The following TET1 variants were observed in gnomAD, a reference collection of about 807,000 sequenced individuals.
The protein encoded by TET1 is methylcytosine dioxygenase TET1.
A neutral mutation model predicts 148.7 loss-of-function variants in TET1; 13 were observed. That is an observed-to-expected ratio of 0.09 (90% confidence interval 0.06 to 0.14). The LOEUF is 0.14. Ranked by LOEUF, TET1 falls within the 10% of genes least tolerant of loss-of-function variation. The probability of loss-of-function intolerance (pLI) is 1.00; values close to 1 mark genes in which losing one functional copy is unlikely to be tolerated. For missense variants in TET1, 2,182 were observed against 2,553.8 expected (o/e 0.85, Z 3.14); for synonymous variants, 907 against 937.2 (o/e 0.97, Z 0.59).
At chr10:68,630,334 C>T (rs2054551146) in intron 3 of TET1, among the ~76,000 whole-genome samples, 1 of 152,144 alleles carries the variant, frequency 6.6e-6, no homozygotes, top group African/African-American at 2.4e-5. Flanking sequence ...TGTTTTGACA[C>T]GGAGTGTCGC....
chr10:68,683,027 C>G, intron 10 of TET1, 54 bp downstream of exon 10: 1 of 1,590,142 alleles, frequency 6.3e-7, no homozygotes, highest in South Asian at 1.1e-5. Flanking sequence ...TATGCTTAGG[C>G]TGCAGTCCTT....
At position 68,646,150 on chromosome 10, in the gene TET1, A is replaced by C. The variant is rs578122005; in HGVS notation, c.3421A>C (p.Lys1141Gln). 6.2e-7 allele frequency: 1 copy of C among 1,613,136 alleles called. No individual in the cohort carries two copies. The highest frequency in any genetic ancestry group is 1.3e-5 in the African/African-American group (1 of 74,866). ...CAATAATCATGGTTCATCATTAACA[A>C]AACAAAAGAACCCAACCCAGAAAAA... ...VHNNHGSSLT[K>Q]QKNPTQKKTK... Residue 1141 changes from lysine to glutamine, a missense_variant, in exon 4 of 12, where the codon AAA (lysine) becomes CAA (glutamine). Lys to Gln is a moderately conservative substitution (Grantham distance 53). This residue lies in a region of TET1 where 582 missense variants were observed against 599.5 expected (regional missense o/e 0.97). Transcript: ENST00000373644.
chr10:68,632,756 T>C, intron 3 of TET1: 1 of 1,575,622 alleles, frequency 6.3e-7, no homozygotes, highest in South Asian at 1.2e-5. Context: ...AAGAAGTCAA[T>C]GTAAACGAAG....
At chr10:68,633,948 ACTCTCAG>A (rs1222487150) in intron 3 of TET1, among the ~76,000 whole-genome samples, 1 of 152,048 alleles carries the variant, frequency 6.6e-6, no homozygotes, top group Non-Finnish European at 1.5e-5. Context: ...AAACAGTCTC[ACTCTCAG>A]CTCACTGCAG....
chr10:68,596,148 C>T (rs1245568035), intron 2 of TET1, among the ~76,000 whole-genome samples: 1 of 150,010 alleles, frequency 6.7e-6, no homozygotes, highest in East Asian at 2.0e-4. Flanking sequence ...AAGCGATTCT[C>T]CTGCCTCAGG....
At chr10:68,563,507 A>G (rs1159871752) in intron 1 of TET1, among the ~76,000 whole-genome samples, 1 of 152,242 alleles carries the variant, frequency 6.6e-6, no homozygotes, top group Non-Finnish European at 1.5e-5. Context: ...TGCAAATACC[A>G]CGTTTTTGGC....
chr10:68,569,637 G>T (rs117050629), intron 1 of TET1, among the ~76,000 whole-genome samples: 24 of 152,158 alleles, frequency 1.6e-4, no homozygotes, highest in Admixed American at 1.4e-3. Flanking sequence ...ATATATAATG[G>T]CTAGGCATGC....
intron 7 of TET1, among the ~76,000 whole-genome samples, chr10:68,670,882 A>C (rs984794495): frequency 1.3e-5 from 2 of 152,038 alleles, no homozygotes; most frequent in African/African-American, 4.8e-5. Flanking sequence ...TATTATTTTC[A>C]CTTTTTCAAA....
intron 1 of TET1, among the ~76,000 whole-genome samples, chr10:68,562,062 G>A (rs1361304699): frequency 1.9e-4 from 29 of 152,234 alleles, no homozygotes; most frequent in Non-Finnish European, 1.5e-5. Context: ...AGAAATGTTT[G>A]AAAAGTGCTG....
chr10:68,610,650 T>C (rs1333822548), intron 3 of TET1, among the ~76,000 whole-genome samples: 2 of 152,080 alleles, frequency 1.3e-5, no homozygotes, highest in East Asian at 1.9e-4. Flanking sequence ...CTTGGCATAC[T>C]GTGGTTTTTT....
chr10:68,594,676 C>A (rs1320716584), intron 2 of TET1, among the ~76,000 whole-genome samples: 1 of 152,072 alleles, frequency 6.6e-6, no homozygotes, highest in Non-Finnish European at 1.5e-5. Flanking sequence ...ACCAAACTAG[C>A]TTTTTTAAAT....
intron 8 of TET1, among the ~76,000 whole-genome samples, chr10:68,676,430 C>G (rs1407781406): frequency 6.6e-6 from 1 of 151,048 alleles, no homozygotes; most frequent in African/African-American, 2.4e-5. Flanking sequence ...ACTACAAGCG[C>G]CCACCACCAC....
intron 2 of TET1, among the ~76,000 whole-genome samples, chr10:68,594,485 C>T (rs921291437): frequency 6.6e-6 from 1 of 152,122 alleles, no homozygotes; most frequent in Non-Finnish European, 1.5e-5. Context: ...GTAGATCTGG[C>T]CCCTTGGGAG....
intron 4 of TET1, among the ~76,000 whole-genome samples, chr10:68,649,194 C>T (rs2054894400): frequency 6.6e-6 from 1 of 152,180 alleles, no homozygotes; most frequent in Non-Finnish European, 1.5e-5. Context: ...GAAACTGAGG[C>T]ACAGAGAATT....
chr10:68,683,514 G>A (rs113925298), intron 10 of TET1, among the ~76,000 whole-genome samples: 6 of 152,114 alleles, frequency 3.9e-5, no homozygotes, highest in African/African-American at 1.4e-4. Flanking sequence ...TCATGACCTC[G>A]TGATCCACCC....
chr10:68,596,025 C>CATAT lies in TET1; in HGVS notation c.1915-4955_1915-4954insTATA, dbSNP rs1270482577. 1.1e-3 allele frequency among the ~76,000 whole-genome samples: 60 copies of CATAT among 56,014 alleles called. 1 individual carries two copies. The highest frequency in any genetic ancestry group is 3.5e-3 in the South Asian group (6 of 1,736). The allele number at this position is 56,014 out of a possible 152,430, so 36.7% of individuals were successfully genotyped here. The stretch of plus-strand genomic sequence containing the variant: ...ACACACACACACACACACACACACA[C>CATAT]ACATATATATATATATATACACATT... On this transcript the variant is annotated intron_variant, in intron 2 of 11. Coordinates refer to ENST00000373644, the MANE Select transcript of TET1 (RefSeq NM_030625.3).
In TET1 at chr10:68,570,637, A is replaced by T. The variant is rs575282991; in HGVS notation, c.-122-1580A>T. On this transcript the variant is annotated intron_variant, in intron 1 of 11. Transcript: ENST00000373644. ...AGTTCCATGATTTTAATTATTTTTA[A>T]TTTTTTTTTTGAGACAGAGTCTTGC... 2.7e-5 allele frequency among the ~76,000 whole-genome samples: 4 copies of T among 148,466 alleles called. No individual in the cohort carries two copies. In the South Asian group the frequency reaches 6.4e-4, roughly 24 times the overall value.
chr10:68,653,277 T>C (rs1347745543), intron 6 of TET1, among the ~76,000 whole-genome samples: 1 of 152,220 alleles, frequency 6.6e-6, no homozygotes, highest in Non-Finnish European at 1.5e-5. Context: ...CATTTAATTG[T>C]ACATCTCTTC....
At chr10:68,597,767 A>T (rs2054005150) in intron 2 of TET1, among the ~76,000 whole-genome samples, 2 of 152,252 alleles carry the variant, frequency 1.3e-5, no homozygotes, top group African/African-American at 4.8e-5. Context: ...CAGCCTTCAA[A>T]ATGAATGAAA....
Sources: gnomAD v4.1 joint callset for allele counts (sites outside exome capture counted in the v4.1 genomes callset) on GRCh38, gnomAD v4.1.1 for gene constraint, gnomAD v4.1.1 regional missense constraint, MANE v1.5 for transcripts, NCBI Gene and HGNC (gene_info 2026-07-23, HGNC 2026-07-21) for gene names.